The following TENM3 variants were observed in gnomAD, a reference collection of about 807,000 sequenced individuals.
TENM3 encodes teneurin transmembrane protein 3.
In TENM3, 63 loss-of-function variants were observed where a neutral mutation model predicts 255.1. That is an observed-to-expected ratio of 0.25 (90% CI 0.20 to 0.30). The LOEUF is 0.30. Among genes scored for constraint, TENM3 ranks in the 10% least tolerant of loss-of-function variants. The pLI is 1.00. For synonymous variants in TENM3, 1,306 were observed against 1,322.3 expected, an observed-to-expected ratio of 0.99 and a Z score of 0.27; for missense variants, 2,929 against 3,461.1, an observed-to-expected ratio of 0.85 and a Z score of 3.86.
chr4:182,722,428 A>G (rs1759811191), intron 13 of TENM3, among the ~76,000 whole-genome samples: 1 of 152,192 alleles, frequency 6.6e-6, no homozygotes, highest in Non-Finnish European at 1.5e-5. Flanking sequence ...TGGCGCCAGC[A>G]AGTGTGCAAG....
intron 1 of TENM3, among the ~76,000 whole-genome samples, chr4:182,278,834 G>T (rs926542652): frequency 6.6e-6 from 1 of 152,178 alleles, no homozygotes; most frequent in Non-Finnish European, 1.5e-5. Context: ...TAGGTTTGGG[G>T]ATAACAAGAG....
chr4:181,571,316 T>C, the TENM3 span, among the ~76,000 whole-genome samples: 1 of 152,132 alleles, frequency 6.6e-6, no homozygotes, highest in Non-Finnish European at 1.5e-5. Flanking sequence ...ATGCTATTGA[T>C]TGTTTTAATT....
chr4:181,454,060 A>T, the TENM3 span, among the ~76,000 whole-genome samples: 1 of 152,164 alleles, frequency 6.6e-6, no homozygotes. Context: ...TGTCTGTAAA[A>T]CCAGGCTGAC....
chr4:181,572,065 T>A, the TENM3 span, among the ~76,000 whole-genome samples: 1 of 152,314 alleles, frequency 6.6e-6, no homozygotes, highest in South Asian at 2.1e-4. Context: ...CTGCAAAAAA[T>A]TTCAAACGAT....
the TENM3 span, among the ~76,000 whole-genome samples, chr4:182,100,856 T>TAC: frequency 0.04 from 485 of 12,150 alleles, 169 homozygotes; most frequent in African/African-American, 0.092. Flanking sequence ...TATATATATA[T>TAC]ACTCATATAT....
chr4:181,460,678 C>CTTT, the TENM3 span, among the ~76,000 whole-genome samples: 11,795 of 136,738 alleles, frequency 0.086, 609 homozygotes, highest in Middle Eastern at 0.16. Context: ...AGCTATAGTT[C>CTTT]TTTTTTTTTT....
chr4:181,699,594 C>T, the TENM3 span, among the ~76,000 whole-genome samples: 1 of 151,460 alleles, frequency 6.6e-6, no homozygotes, highest in Admixed American at 6.6e-5. Flanking sequence ...ATATAATTTC[C>T]TTTAAATTGG....
the TENM3 span, among the ~76,000 whole-genome samples, chr4:181,649,145 G>A: frequency 5.0e-3 from 766 of 152,292 alleles, 10 homozygotes; most frequent in African/African-American, 0.018. Flanking sequence ...AGCAGAGAAG[G>A]AATTTTCCAA....
the TENM3 span, among the ~76,000 whole-genome samples, chr4:181,498,069 G>C: frequency 6.6e-6 from 1 of 152,026 alleles, no homozygotes; most frequent in Non-Finnish European, 1.5e-5. Context: ...AAGTTTATAG[G>C]TGATATATAA....
chr4:182,733,498 C>T (rs1401997958), intron 16 of TENM3, among the ~76,000 whole-genome samples: 1 of 139,932 alleles, frequency 7.1e-6, no homozygotes, highest in Non-Finnish European at 1.7e-5. Flanking sequence ...ATTATGGTGG[C>T]TTGGACAAAA....
At chr4:182,247,405 G>T (rs1757725842) in intron 1 of TENM3, among the ~76,000 whole-genome samples, 2 of 152,142 alleles carry the variant, frequency 1.3e-5, no homozygotes, top group South Asian at 4.1e-4. Flanking sequence ...CCATAGAGTG[G>T]CCCTCAGACC....
intron 1 of TENM3, among the ~76,000 whole-genome samples, chr4:182,274,546 G>T (rs533532505): frequency 2.0e-5 from 3 of 152,250 alleles, no homozygotes; most frequent in African/African-American, 7.2e-5. Context: ...AGTTTGACTG[G>T]GGTCGCATGT....
chr4:182,187,310 T>G (rs937829389), intron 1 of TENM3, among the ~76,000 whole-genome samples: 3 of 152,202 alleles, frequency 2.0e-5, no homozygotes, highest in Non-Finnish European at 2.9e-5. Flanking sequence ...GCAAGACTAT[T>G]ATCAGAACTC....
the TENM3 span, among the ~76,000 whole-genome samples, chr4:181,769,091 G>C: frequency 2.0e-5 from 3 of 152,106 alleles, no homozygotes; most frequent in Non-Finnish European, 4.4e-5. Flanking sequence ...ATAATTGTTT[G>C]ATTGGATTTT....
chr4:181,569,431 T>A, the TENM3 span, among the ~76,000 whole-genome samples: 2 of 152,338 alleles, frequency 1.3e-5, no homozygotes, highest in Admixed American at 1.3e-4. Flanking sequence ...TTTATTTCCA[T>A]AAGTGGATAG....
chr4:181,951,564 C>T, the TENM3 span, among the ~76,000 whole-genome samples: 3 of 152,220 alleles, frequency 2.0e-5, no homozygotes, highest in Admixed American at 6.5e-5. Flanking sequence ...TTGAAATCCA[C>T]ACTTCAGGAT....
At chr4:181,518,791 C>G in the TENM3 span, among the ~76,000 whole-genome samples, 340 of 152,242 alleles carry the variant, frequency 2.2e-3, 2 homozygotes, top group African/African-American at 7.8e-3. Flanking sequence ...ATAATCCATA[C>G]TGATAAATAT....
intron 3 of TENM3, chr4:182,449,102 C>A: frequency 3.6e-6 from 1 of 274,728 alleles, no homozygotes. Flanking sequence ...GCGGCGGCGG[C>A]GGCGGCGGCC....
chr4:181,565,341 T>A, the TENM3 span, among the ~76,000 whole-genome samples: 2 of 152,330 alleles, frequency 1.3e-5, no homozygotes, highest in East Asian at 3.9e-4. Context: ...TGGACGTATT[T>A]AAACTCAGGT....
Sources: gnomAD v4.1 joint callset for allele counts (sites outside exome capture counted in the v4.1 genomes callset) on GRCh38, gnomAD v4.1.1 for gene constraint, MANE v1.5 for transcripts, NCBI Gene and HGNC (gene_info 2026-07-23, HGNC 2026-07-21) for gene names.